The following SPOCK3 variants were observed in gnomAD, a reference collection of about 807,000 sequenced individuals.
The protein encoded by SPOCK3 is testican-3.
SPOCK3 carries 30 observed loss-of-function variants against 56.6 expected under a neutral mutation model. The ratio of observed to expected loss-of-function variants is 0.53; its 90% confidence interval spans 0.40 to 0.72. The LOEUF is 0.72. Ranked by LOEUF, SPOCK3 falls within the 30% of genes least tolerant of loss-of-function variation. SPOCK3 has a pLI of 0.00. For synonymous variants in SPOCK3, 196 were observed against 183.3 expected (o/e 1.07, Z -0.56); for missense variants, 527 against 530.0 (o/e 0.99, Z 0.06).
intron 2 of SPOCK3, among the ~76,000 whole-genome samples, chr4:167,210,961 C>A (rs1383546669): frequency 6.6e-6 from 1 of 152,128 alleles, no homozygotes; most frequent in East Asian, 1.9e-4. Flanking sequence ...CATGCTTAAT[C>A]TAAATGTGGT....
intron 2 of SPOCK3, among the ~76,000 whole-genome samples, chr4:167,081,908 G>C (rs1757739651): frequency 6.6e-6 from 1 of 151,974 alleles, no homozygotes; most frequent in Non-Finnish European, 1.5e-5. Context: ...TCTCCTGAAT[G>C]GCATTTCATT....
At chr4:167,095,089 TA>T (rs899460195) in intron 2 of SPOCK3, among the ~76,000 whole-genome samples, 75 of 152,190 alleles carry the variant, frequency 4.9e-4, no homozygotes, top group Non-Finnish European at 8.4e-4. Context: ...TTCAACAAAC[TA>T]GATAAGGCCC....
chr4:166,771,643 T>G (rs1165567568), intron 7 of SPOCK3, among the ~76,000 whole-genome samples: 1 of 152,096 alleles, frequency 6.6e-6, no homozygotes, highest in Non-Finnish European at 1.5e-5. Context: ...CTAATGTGCC[T>G]AAATGTCATT....
chr4:166,977,797 G>T (rs997992703), intron 4 of SPOCK3, among the ~76,000 whole-genome samples: 2 of 152,042 alleles, frequency 1.3e-5, no homozygotes, highest in African/African-American at 4.8e-5. Context: ...TCCATTAGTT[G>T]GGAAGGCTGC....
At chr4:166,931,016 T>C (rs1739684663) in intron 4 of SPOCK3, among the ~76,000 whole-genome samples, 1 of 152,116 alleles carries the variant, frequency 6.6e-6, no homozygotes, top group African/African-American at 2.4e-5. Flanking sequence ...AGAGTTTCAC[T>C]CTGTCGCCAA....
chr4:166,965,230 G>A (rs145628459), intron 4 of SPOCK3, among the ~76,000 whole-genome samples: 1,926 of 151,934 alleles, frequency 0.013, 18 homozygotes, highest in Non-Finnish European at 0.019. Flanking sequence ...TGTTAAAACT[G>A]GGTAATAGTG....
intron 6 of SPOCK3, among the ~76,000 whole-genome samples, chr4:166,857,591 G>A (rs1730825879): frequency 1.3e-5 from 2 of 152,158 alleles, no homozygotes; most frequent in Non-Finnish European, 2.9e-5. Flanking sequence ...TCCTGCAACT[G>A]AGGTAAAACT....
chr4:166,853,146 G>T (rs1050714378), intron 6 of SPOCK3, among the ~76,000 whole-genome samples: 7 of 152,082 alleles, frequency 4.6e-5, no homozygotes, highest in Non-Finnish European at 7.4e-5. Flanking sequence ...ATTTAAAATT[G>T]TATCCATTTA....
intron 4 of SPOCK3, among the ~76,000 whole-genome samples, chr4:166,962,682 T>C (rs1184725976): frequency 3.3e-5 from 5 of 152,238 alleles, no homozygotes; most frequent in East Asian, 1.9e-4. Context: ...AAACTACTTA[T>C]GTCACCATTT....
intron 2 of SPOCK3, among the ~76,000 whole-genome samples, chr4:167,113,962 C>T (rs1761123354): frequency 6.6e-6 from 1 of 152,000 alleles, no homozygotes; most frequent in South Asian, 2.1e-4. Flanking sequence ...AGGCACAGAG[C>T]AGAGAAGAAA....
At chr4:167,210,110 T>G (rs35632116) in intron 2 of SPOCK3, among the ~76,000 whole-genome samples, 4,757 of 152,258 alleles carry the variant, frequency 0.031, 115 homozygotes, top group Middle Eastern at 0.075. Context: ...TCCTAACAAT[T>G]TTCAGTCTCC....
At chr4:166,777,668 T>G (rs1261119233) in intron 7 of SPOCK3, among the ~76,000 whole-genome samples, 1 of 151,994 alleles carries the variant, frequency 6.6e-6, no homozygotes, top group Non-Finnish European at 1.5e-5. Context: ...GCCCAGGAGT[T>G]TGGGCCTGCA....
At chr4:167,116,545 T>C (rs1761357847) in intron 2 of SPOCK3, among the ~76,000 whole-genome samples, 1 of 130,932 alleles carries the variant, frequency 7.6e-6, no homozygotes, top group African/African-American at 2.9e-5. Flanking sequence ...TATATAAAAG[T>C]ATATATATGA....
At chr4:166,920,201 C>A in intron 4 of SPOCK3, among the ~76,000 whole-genome samples, 1 of 151,920 alleles carries the variant, frequency 6.6e-6, no homozygotes, top group Non-Finnish European at 1.5e-5. Flanking sequence ...AACCACATTC[C>A]AATATTCCAT....
intron 2 of SPOCK3, among the ~76,000 whole-genome samples, chr4:167,223,891 C>T (rs189588255): frequency 6.6e-6 from 1 of 152,066 alleles, no homozygotes; most frequent in Non-Finnish European, 1.5e-5. Context: ...AAGGAAGAGT[C>T]TGTCGTATTT....
At chr4:166,859,912 G>A (rs148762838) in intron 6 of SPOCK3, among the ~76,000 whole-genome samples, 2 of 152,072 alleles carry the variant, frequency 1.3e-5, no homozygotes, top group Admixed American at 1.3e-4. Flanking sequence ...TCTGTGAAGA[G>A]AGTTTACAAA....
intron 7 of SPOCK3, among the ~76,000 whole-genome samples, chr4:166,789,057 A>G (rs1161957617): frequency 1.5e-5 from 2 of 136,894 alleles, no homozygotes; most frequent in African/African-American, 5.6e-5. Flanking sequence ...TCAGTATAAA[A>G]TGCCTGAAGA....
chr4:166,958,453 A>T (rs1211976164), intron 4 of SPOCK3, among the ~76,000 whole-genome samples: 2 of 152,136 alleles, frequency 1.3e-5, no homozygotes, highest in African/African-American at 4.8e-5. Flanking sequence ...CTTTGCCACT[A>T]ATCTGGACTA....
chr4:166,780,157 A>G (rs1229397085), intron 7 of SPOCK3, among the ~76,000 whole-genome samples: 1 of 152,176 alleles, frequency 6.6e-6, no homozygotes, highest in Non-Finnish European at 1.5e-5. Context: ...TTTATGTCCT[A>G]GAGCAATACA....
Sources: gnomAD v4.1 joint callset for allele counts (sites outside exome capture counted in the v4.1 genomes callset) on GRCh38, gnomAD v4.1.1 for gene constraint, MANE v1.5 for transcripts, NCBI Gene and HGNC (gene_info 2026-07-23, HGNC 2026-07-21) for gene names.